The following LRMDA variants were observed in gnomAD, a reference collection of about 807,000 sequenced individuals.
LRMDA encodes the protein leucine rich melanocyte differentiation associated.
LRMDA carries 18 observed loss-of-function variants against 29.8 expected under a neutral mutation model. That is an observed-to-expected ratio of 0.60 (90% CI 0.42 to 0.90). LRMDA has a LOEUF of 0.90. Among genes scored for constraint, LRMDA ranks in the 40% least tolerant of loss-of-function variants. LRMDA has a pLI of 0.00. For missense variants in LRMDA, 273 were observed against 273.9 expected, an observed-to-expected ratio of 1.00 and a Z score of 0.02; for synonymous variants, 125 against 109.4, an observed-to-expected ratio of 1.14 and a Z score of -0.89.
At chr10:76,291,904 CCACACGTGCACACACACACA>C (rs950695393) in intron 5 of LRMDA, among the ~76,000 whole-genome samples, 19 of 138,338 alleles carry the variant, frequency 1.4e-4, no homozygotes, top group African/African-American at 3.7e-4. Flanking sequence ...ATATATACAC[CCACACGTGCACACACACACA>C]CACACGTGCA....
At position 76,252,835 on chromosome 10, in the gene LRMDA, GT is replaced by G. The variant is rs200192719; in HGVS notation, c.517-71565del. 5.8e-4 allele frequency among the ~76,000 whole-genome samples: 88 copies of G among 152,344 alleles called. 3 individuals carry two copies. The East Asian group carries it at 0.015, about 26-fold the overall frequency. The stretch of plus-strand genomic sequence containing the variant: ...AAAATCAGTGGCTTTAGAAAAACTT[GT>G]AATCGCCTTCGTTTTCTGCAATTCT... On this transcript the variant is annotated intron_variant, in intron 5 of 6. Coordinates refer to ENST00000611255, the MANE Select transcript of LRMDA (RefSeq NM_001305581.2).
chr10:75,503,321 T>C (rs1167651975), intron 2 of LRMDA, among the ~76,000 whole-genome samples: 1 of 152,108 alleles, frequency 6.6e-6, no homozygotes, highest in Non-Finnish European at 1.5e-5. Context: ...ATTATGCAGT[T>C]TGGGTGTTGT....
At chr10:76,477,132 C>G (rs1349650891) in intron 6 of LRMDA, among the ~76,000 whole-genome samples, 16 of 152,020 alleles carry the variant, frequency 1.1e-4, no homozygotes, top group African/African-American at 3.1e-4. Flanking sequence ...CAGATGACAT[C>G]ATTGTATATC....
At chr10:76,233,995 T>C (rs1852105639) in intron 5 of LRMDA, among the ~76,000 whole-genome samples, 1 of 152,216 alleles carries the variant, frequency 6.6e-6, no homozygotes, top group Non-Finnish European at 1.5e-5. Flanking sequence ...TAGTAACATC[T>C]AGAATGGTGA....
intron 3 of LRMDA, among the ~76,000 whole-genome samples, chr10:76,043,298 A>G (rs1417789531): frequency 6.6e-6 from 1 of 152,214 alleles, no homozygotes; most frequent in East Asian, 1.9e-4. Flanking sequence ...GTGGATAGTA[A>G]GAGTATTACT....
chr10:75,841,184 C>A, intron 2 of LRMDA, among the ~76,000 whole-genome samples: 1 of 152,192 alleles, frequency 6.6e-6, no homozygotes, highest in Admixed American at 6.5e-5. Context: ...TTCCCGAAGC[C>A]TTAGCAAGAG....
chr10:75,623,081 A>AAAAC (rs1183648923), intron 2 of LRMDA, among the ~76,000 whole-genome samples: 4 of 152,256 alleles, frequency 2.6e-5, no homozygotes, highest in African/African-American at 9.6e-5. Context: ...GGGCCATAAT[A>AAAAC]AAACATGCTG....
At chr10:76,538,575 T>C (rs1157738926) in intron 6 of LRMDA, among the ~76,000 whole-genome samples, 4 of 145,256 alleles carry the variant, frequency 2.8e-5, no homozygotes, top group South Asian at 2.2e-4. Flanking sequence ...CACACACACA[T>C]ATACAGTATA....
chr10:76,001,174 T>C (rs1847556407), intron 2 of LRMDA, among the ~76,000 whole-genome samples: 1 of 152,210 alleles, frequency 6.6e-6, no homozygotes, highest in East Asian at 1.9e-4. Context: ...TTCTTCCTTA[T>C]GGCTTCCGGT....
intron 2 of LRMDA, among the ~76,000 whole-genome samples, chr10:75,445,870 C>G (rs1844387649): frequency 6.6e-6 from 1 of 152,252 alleles, no homozygotes; most frequent in African/African-American, 2.4e-5. Flanking sequence ...TTCTTTGCAG[C>G]TGCATCTTAT....
chr10:76,404,276 C>T (rs1841879767), intron 6 of LRMDA, among the ~76,000 whole-genome samples: 1 of 152,122 alleles, frequency 6.6e-6, no homozygotes, highest in Non-Finnish European at 1.5e-5. Context: ...AAGCCCAAGG[C>T]ACTTTTTTAT....
rs1279651524 is a variant in LRMDA at position 76,287,198 on chromosome 10, CTTCTTCT to C, written c.517-37200_517-37194del. ...ATTTTGGTGGTGAATCTGGTTGTGG[CTTCTTCT>C]TTATTTGCCATCTGCCTGCCCCACT... On this transcript the variant is annotated intron_variant, in intron 5 of 6. Transcript: ENST00000611255. 9.4e-5 allele frequency among the ~76,000 whole-genome samples: 5 copies of C among 53,276 alleles called. No individual in the cohort carries two copies. The South Asian group carries it at 3.8e-3, about 41-fold the overall frequency. The allele number at this position is 53,276 out of a possible 152,430, so 35.0% of individuals were successfully genotyped here. A position where few individuals can be genotyped will look rare whatever the true frequency, so the allele number is the denominator to read the frequency against.
intron 2 of LRMDA, among the ~76,000 whole-genome samples, chr10:75,826,679 A>G (rs1451201225): frequency 6.6e-6 from 1 of 152,204 alleles, no homozygotes; most frequent in Non-Finnish European, 1.5e-5. Flanking sequence ...TGCCCAGTGC[A>G]TTTGTGGCAT....
At chr10:76,035,842 C>T (rs1848232833) in intron 2 of LRMDA, among the ~76,000 whole-genome samples, 166 bp from the exon 3 acceptor site, 1 of 152,144 alleles carries the variant, frequency 6.6e-6, no homozygotes, top group Non-Finnish European at 1.5e-5. Context: ...CCCCGCCGCC[C>T]CCGCCCCGAC....
chr10:75,689,039 A>C (rs569412715), intron 2 of LRMDA, among the ~76,000 whole-genome samples: 50 of 152,256 alleles, frequency 3.3e-4, no homozygotes, highest in Middle Eastern at 3.4e-3. Context: ...AACAAAAAAA[A>C]AACCCAATTT....
At chr10:76,286,386 T>C (rs575017714) in intron 5 of LRMDA, among the ~76,000 whole-genome samples, 1 of 152,368 alleles carries the variant, frequency 6.6e-6, no homozygotes, top group African/African-American at 2.4e-5. Context: ...CGGGCTTTTC[T>C]AGTCTTGGGG....
chr10:75,631,733 A>G (rs1841326557), intron 2 of LRMDA, among the ~76,000 whole-genome samples: 1 of 152,136 alleles, frequency 6.6e-6, no homozygotes, highest in African/African-American at 2.4e-5. Context: ...TCGAAGTGAC[A>G]GCTCTTGGCC....
At chr10:75,959,627 G>A (rs1489906535) in intron 2 of LRMDA, among the ~76,000 whole-genome samples, 15 of 152,016 alleles carry the variant, frequency 9.9e-5, no homozygotes, top group Non-Finnish European at 2.9e-5. Flanking sequence ...AGTTTAGAAG[G>A]CCTCTACGAT....
intron 6 of LRMDA, among the ~76,000 whole-genome samples, chr10:76,375,330 A>T (rs1266312712): frequency 1.3e-5 from 2 of 152,140 alleles, no homozygotes; most frequent in South Asian, 2.1e-4. Flanking sequence ...GAAAAAAAAA[A>T]ATATGTTACC....
Sources: allele counts gnomAD v4.1 joint callset (sites outside exome capture counted in the v4.1 genomes callset), GRCh38; gene constraint gnomAD v4.1.1; transcripts MANE v1.5; gene names NCBI Gene and HGNC (gene_info 2026-07-23, HGNC 2026-07-21).